Variants in SEC14L5 observed in about 807,000 individuals in gnomAD.
SEC14L5 encodes SEC14-like protein 5.
SEC14L5 carries 96 observed loss-of-function variants against 84.6 expected under a neutral mutation model. That is an observed-to-expected ratio of 1.13 (90% CI 0.96 to 1.34). SEC14L5 has a LOEUF of 1.34. Ranked by LOEUF, SEC14L5 falls within the 40% of genes most tolerant of loss-of-function variation. The probability of loss-of-function intolerance (pLI) is 0.00; values close to 1 mark genes in which losing one functional copy is unlikely to be tolerated. For missense variants in SEC14L5, 1,224 were observed against 942.5 expected, an observed-to-expected ratio of 1.30 and a Z score of -3.91; for synonymous variants, 546 against 383.4, an observed-to-expected ratio of 1.42 and a Z score of -4.95.
In SEC14L5 at chr16:5,007,341, C is replaced by G. The variant is rs774206209; in HGVS notation, c.1438-11C>G. 1 of 1,613,036 alleles carries G rather than the reference C, an allele frequency of 6.2e-7. No individual in the cohort carries two copies. Among genetic ancestry groups the G allele is most frequent in the Non-Finnish European group, 8.5e-7 (1 of 1,179,352 alleles). ...GGCCCTGACCTGCTGCCCTTTATCT[C>G]TGACCTGCAGTGTAATGTCCCCGAA... On this transcript the variant is annotated splice_polypyrimidine_tract_variant and intron_variant, in intron 12 of 15. Coordinates refer to ENST00000251170, the MANE Select transcript of SEC14L5 (RefSeq NM_014692.2).
At chr16:4,987,486 G>C in intron 2 of SEC14L5, 71 bp from the exon 3 acceptor site, 1 of 1,310,882 alleles carries the variant, frequency 7.6e-7, no homozygotes, top group East Asian at 2.8e-5. Flanking sequence ...CAGCAGATAA[G>C]GAGGTCGCGC....
At position 5,015,441 on chromosome 16, in the gene SEC14L5, G is replaced by T. The variant is rs775237639; in HGVS notation, c.*471G>T. ...TGAGTCTTAGCCTGGAAGGGGGAGC[G>T]ATTGCCAGGTCAATTCCTGAACCAA... is the stretch of plus-strand genomic sequence containing the variant. On this transcript the variant is annotated 3_prime_UTR_variant, in exon 16 of 16. Coordinates refer to ENST00000251170, the MANE Select transcript of SEC14L5 (RefSeq NM_014692.2). The T allele has an allele frequency of 4.4e-5, 7 of 160,492 alleles. No homozygotes were observed. The highest frequency in any genetic ancestry group is 7.2e-5 in the African/African-American group (3 of 41,718). The allele number at this position is 160,492 out of a possible 1,614,324, so 9.9% of individuals were successfully genotyped here.
At chr16:4,971,810 C>T (rs984062377) in intron 2 of SEC14L5, among the ~76,000 whole-genome samples, 5 of 152,302 alleles carry the variant, frequency 3.3e-5, no homozygotes, top group Non-Finnish European at 7.3e-5. Flanking sequence ...GCCATTCACT[C>T]ATTCCTTCCT....
rs1596634846 is a variant in SEC14L5 at position 4,997,106 on chromosome 16, TTTA to T, written c.970+68_970+70del. ...TTTGGTCACTGCCAAATGCACTTTA[TTTA>T]TTATTTTGAGATGGGGTCTCACTCT... On this transcript the variant is annotated intron_variant, in intron 8 of 15. Coordinates refer to ENST00000251170, the MANE Select transcript of SEC14L5 (RefSeq NM_014692.2). The T allele has an allele frequency of 2.4e-6, 3 of 1,252,206 alleles. No individual in the cohort carries two copies. In the South Asian group the frequency reaches 4.7e-5, roughly 19 times the overall value. The allele number at this position is 1,252,206 out of a possible 1,614,324, so 77.6% of individuals were successfully genotyped here. A position where few individuals can be genotyped will look rare whatever the true frequency, so the allele number is the denominator to read the frequency against.
chr16:5,000,113 A>G (rs1955658478), intron 8 of SEC14L5, among the ~76,000 whole-genome samples: 1 of 152,054 alleles, frequency 6.6e-6, no homozygotes, highest in Non-Finnish European at 1.5e-5. Context: ...CAAGATGGTG[A>G]AACCCCATTT....
At chr16:4,969,634 T>G (rs1955250946) in intron 2 of SEC14L5, among the ~76,000 whole-genome samples, 1 of 152,166 alleles carries the variant, frequency 6.6e-6, no homozygotes. Flanking sequence ...TCCACCCACC[T>G]TGGCCTCCCA....
intron 2 of SEC14L5, among the ~76,000 whole-genome samples, chr16:4,971,334 C>T (rs1955276830): frequency 6.6e-6 from 1 of 151,982 alleles, no homozygotes; most frequent in Non-Finnish European, 1.5e-5. Flanking sequence ...TGATGTGTGC[C>T]TGTAATTCCA....
At chr16:4,974,730 C>G (rs1044550746) in intron 2 of SEC14L5, among the ~76,000 whole-genome samples, 48 of 152,054 alleles carry the variant, frequency 3.2e-4, no homozygotes, top group African/African-American at 1.1e-3. Context: ...CCAGTCTTCC[C>G]CTCCCAAGTC....
intron 3 of SEC14L5, 30 bp from the exon 4 acceptor site, chr16:4,988,119 A>ACCACCC: frequency 6.7e-7 from 1 of 1,489,240 alleles, no homozygotes; most frequent in Non-Finnish European, 9.2e-7. Flanking sequence ...CCGCCCACCC[A>ACCACCC]CCTCCGCCTC....
chr16:4,976,377 A>T (rs766524732), intron 2 of SEC14L5, among the ~76,000 whole-genome samples: 1 of 152,200 alleles, frequency 6.6e-6, no homozygotes, highest in Non-Finnish European at 1.5e-5. Context: ...GTAAATGTCT[A>T]TTGAGTGTGG....
intron 2 of SEC14L5, 60 bp from the exon 3 acceptor site, chr16:4,987,497 T>TTGA (rs1955501617): frequency 9.1e-7 from 1 of 1,100,512 alleles, no homozygotes; most frequent in Non-Finnish European, 1.2e-6. Context: ...GAGGTCGCGC[T>TTGA]GGGGGGGGGG....
chr16:5,003,580 G>C lies in SEC14L5; in HGVS notation c.1302+7G>C, dbSNP rs1234694947. On this transcript the variant is annotated splice_region_variant and intron_variant, in intron 11 of 15. Transcript: ENST00000251170. ...CCCCGTGCTCTGGACACTGGTAAGA[G>C]CTGGAGCCTGGGCCAGGACTCTCCC... 2.6e-6 allele frequency: 4 copies of C among 1,566,910 alleles called. No homozygotes were observed. The highest frequency in any genetic ancestry group is 2.4e-5 in the East Asian group (1 of 42,166).
At chr16:5,011,768 C>A (rs1037885420) in intron 15 of SEC14L5, among the ~76,000 whole-genome samples, 9 of 152,170 alleles carry the variant, frequency 5.9e-5, no homozygotes, top group African/African-American at 2.2e-4. Flanking sequence ...GGTGCTTCAT[C>A]CCTTAAATGG....
At chr16:5,010,680 C>G (rs1476276991) in intron 14 of SEC14L5, among the ~76,000 whole-genome samples, 2 of 152,142 alleles carry the variant, frequency 1.3e-5, no homozygotes, top group African/African-American at 4.8e-5. Context: ...AAAACAAACA[C>G]TTCCCTTTCT....
chr16:4,986,729 G>A (rs773282817), intron 2 of SEC14L5, among the ~76,000 whole-genome samples: 22 of 152,136 alleles, frequency 1.4e-4, no homozygotes, highest in Admixed American at 7.2e-4. Flanking sequence ...GTAGTGTTCA[G>A]AGTATACATT....
At chr16:5,000,246 G>A (rs546985645) in intron 8 of SEC14L5, among the ~76,000 whole-genome samples, 28 of 152,000 alleles carry the variant, frequency 1.8e-4, no homozygotes, top group Admixed American at 9.2e-4. Context: ...AGCCGAGATC[G>A]CACCACTGCA....
intron 4 of SEC14L5, among the ~76,000 whole-genome samples, chr16:4,988,731 G>A (rs1596628557): frequency 6.6e-6 from 1 of 152,276 alleles, no homozygotes; most frequent in East Asian, 1.9e-4. Context: ...CACATATTAA[G>A]TTCTACGTAA....
rs115505598 is a variant in SEC14L5 at position 4,996,520 on chromosome 16, C to G, written c.780+60C>G. The G allele has an allele frequency of 1.7e-3, 1,426 of 851,814 alleles. 14 individuals carry two copies. In the African/African-American group the frequency reaches 0.021, roughly 13 times the overall value. 52.8% of individuals were successfully genotyped at this position (851,814 alleles called of 1,614,324 possible). On this transcript the variant is annotated intron_variant, in intron 7 of 15. Coordinates refer to ENST00000251170, the MANE Select transcript of SEC14L5 (RefSeq NM_014692.2). ...ATGGGCAATGACTGGTACTCAGCCT[C>G]CGTGCATGGGAAGGAAAGGCGAGAT...
At chr16:4,959,067 G>A (rs776255429) in intron 1 of SEC14L5, among the ~76,000 whole-genome samples, 1 of 152,044 alleles carries the variant, frequency 6.6e-6, no homozygotes, top group Non-Finnish European at 1.5e-5. Flanking sequence ...GCTCTTGGAA[G>A]GCTGAGCGTG....
Sources: allele counts gnomAD v4.1 joint callset (sites outside exome capture counted in the v4.1 genomes callset), GRCh38; gene constraint gnomAD v4.1.1; transcripts MANE v1.5; gene names NCBI Gene and HGNC (gene_info 2026-07-23, HGNC 2026-07-21).